SLC44A5: variants seen among roughly 807,000 people sequenced by gnomAD.
The protein encoded by SLC44A5 is solute carrier family 44 member 5, also known as choline transporter-like protein 5.
In SLC44A5, 57 loss-of-function variants were observed where a neutral mutation model predicts 101.8. The ratio of observed to expected loss-of-function variants is 0.56; its 90% CI spans 0.45 to 0.70. The LOEUF is 0.70. SLC44A5 is among the 30% of genes least tolerant of loss of function. SLC44A5 has a pLI of 0.00. For missense variants in SLC44A5, 737 were observed against 853.1 expected (o/e 0.86, Z 1.70); for synonymous variants, 281 against 290.9 (o/e 0.97, Z 0.35).
chr1:75,653,904 G>A, the SLC44A5 span, among the ~76,000 whole-genome samples: 1 of 152,134 alleles, frequency 6.6e-6, no homozygotes, highest in Non-Finnish European at 1.5e-5. Flanking sequence ...AAATATTGGT[G>A]AAGATGATTT....
rs143586596 is a variant in SLC44A5, at chr1:75,226,786, A to T, written c.985+940T>A. On this transcript the variant is annotated intron_variant, in intron 13 of 23. Coordinates refer to ENST00000370859, the MANE Select transcript of SLC44A5 (RefSeq NM_001130058.2). ...TTGAAAATCTTGATTAAAGAACACAAATCTTACAAGGAGTATTACAATAAC... is the reference window on the plus strand; with the variant it reads ...TTGAAAATCTTGATTAAAGAACACATATCTTACAAGGAGTATTACAATAAC... 9.9e-5 allele frequency among the ~76,000 whole-genome samples: 15 copies of T among 152,278 alleles called. No homozygotes were observed. The East Asian group carries it at 2.7e-3, about 28-fold the overall frequency.
At chr1:75,453,727 A>G (rs1023011266) in intron 2 of SLC44A5, among the ~76,000 whole-genome samples, 1 of 152,112 alleles carries the variant, frequency 6.6e-6, no homozygotes, top group African/African-American at 2.4e-5. Context: ...ATTACAGCCA[A>G]TCCCATAGAA....
intron 2 of SLC44A5, among the ~76,000 whole-genome samples, chr1:75,398,025 T>G (rs539951149): frequency 6.6e-6 from 1 of 152,298 alleles, no homozygotes; most frequent in Admixed American, 6.5e-5. Flanking sequence ...CATCCCTTGC[T>G]GATTTTCTTA....
chr1:75,588,167 C>T (rs955776866), intron 1 of SLC44A5, among the ~76,000 whole-genome samples: 9 of 147,392 alleles, frequency 6.1e-5, no homozygotes, highest in South Asian at 2.1e-4. Flanking sequence ...GCAGCACTCT[C>T]GTATCCAAAA....
chr1:75,571,598 C>T (rs577263546), intron 1 of SLC44A5, among the ~76,000 whole-genome samples: 1 of 151,934 alleles, frequency 6.6e-6, no homozygotes, highest in African/African-American at 2.4e-5. Flanking sequence ...ATAAAATAAG[C>T]TTTGTATTAT....
rs572342881 is a variant in SLC44A5 at position 75,376,095 on chromosome 1, G to C, written c.52+20488C>G. ...GGTGACGGACGCACCTGGAAAATTGGGTCACTCCCACCCAAATACTGCGCT... is the reference window on the plus strand; with the variant it reads ...GGTGACGGACGCACCTGGAAAATTGCGTCACTCCCACCCAAATACTGCGCT... On this transcript the variant is annotated intron_variant, in intron 3 of 23. Coordinates refer to ENST00000370859, the MANE Select transcript of SLC44A5 (RefSeq NM_001130058.2). Among the ~76,000 whole-genome samples, 6 of 152,320 alleles carry C rather than the reference G, an allele frequency of 3.9e-5. No individual in the cohort carries two copies. The East Asian group carries it at 1.2e-3, about 29-fold the overall frequency.
intron 3 of SLC44A5, among the ~76,000 whole-genome samples, chr1:75,350,980 A>G (rs1658611373): frequency 6.6e-6 from 1 of 151,674 alleles, no homozygotes; most frequent in Non-Finnish European, 1.5e-5. Flanking sequence ...ACCGAAAGGA[A>G]TGAGTTGAAG....
At chr1:75,594,263 T>G (rs942944037) in intron 1 of SLC44A5, among the ~76,000 whole-genome samples, 1 of 151,884 alleles carries the variant, frequency 6.6e-6, no homozygotes, top group African/African-American at 2.4e-5. Context: ...TAAGAAAAAC[T>G]GACATCATAA....
At chr1:75,700,207 T>C in the SLC44A5 span, among the ~76,000 whole-genome samples, 1 of 152,162 alleles carries the variant, frequency 6.6e-6, no homozygotes, top group Non-Finnish European at 1.5e-5. Flanking sequence ...ATATACATTC[T>C]TTTCAGCACC....
chr1:75,307,619 C>T (rs1469726046), intron 4 of SLC44A5, among the ~76,000 whole-genome samples: 1 of 152,110 alleles, frequency 6.6e-6, no homozygotes, highest in Non-Finnish European at 1.5e-5. Flanking sequence ...CTACTTCTCA[C>T]GAATAATAGA....
chr1:75,545,897 G>A (rs1206449653), intron 1 of SLC44A5, among the ~76,000 whole-genome samples: 1 of 151,144 alleles, frequency 6.6e-6, no homozygotes, highest in Non-Finnish European at 1.5e-5. Flanking sequence ...CACAAGCATG[G>A]CTCACTGAAA....
the SLC44A5 span, among the ~76,000 whole-genome samples, chr1:75,721,660 A>G: frequency 8.3e-4 from 126 of 152,212 alleles, no homozygotes; most frequent in Non-Finnish European, 1.2e-3. Context: ...GCCTCTGGTA[A>G]CTTGCAACTG....
chr1:75,406,315 T>C (rs987628070), intron 2 of SLC44A5, among the ~76,000 whole-genome samples: 1 of 152,108 alleles, frequency 6.6e-6, no homozygotes, highest in African/African-American at 2.4e-5. Context: ...CCTTCTGAAA[T>C]TCTTCCAAAC....
the SLC44A5 span, among the ~76,000 whole-genome samples, chr1:75,721,847 CA>C: frequency 6.6e-6 from 1 of 152,172 alleles, no homozygotes; most frequent in African/African-American, 2.4e-5. Flanking sequence ...AGTTAAAGCC[CA>C]ACTTCAATGG....
chr1:75,307,243 G>A (rs964522875), intron 4 of SLC44A5, among the ~76,000 whole-genome samples: 1 of 152,052 alleles, frequency 6.6e-6, no homozygotes, highest in Non-Finnish European at 1.5e-5. Context: ...AAAATTGTTG[G>A]TGTCACCTGG....
chr1:75,655,818 GA>G, the SLC44A5 span, among the ~76,000 whole-genome samples: 6,271 of 152,034 alleles, frequency 0.041, 181 homozygotes, highest in Non-Finnish European at 0.064. Flanking sequence ...AAGAGAGGTA[GA>G]AAAAAATATA....
intron 2 of SLC44A5, among the ~76,000 whole-genome samples, chr1:75,452,212 C>T (rs1665945831): frequency 6.6e-6 from 1 of 152,080 alleles, no homozygotes. Flanking sequence ...TCAGCAGAAA[C>T]CTTACAAGCC....
At chr1:75,474,380 T>C (rs1443857561) in intron 2 of SLC44A5, among the ~76,000 whole-genome samples, 1 of 152,188 alleles carries the variant, frequency 6.6e-6, no homozygotes, top group East Asian at 1.9e-4. Context: ...TAATTATCTC[T>C]ATATATACTT....
chr1:75,710,688 A>G, the SLC44A5 span: 1 of 152,104 alleles, frequency 6.6e-6, no homozygotes, highest in Non-Finnish European at 1.5e-5. Context: ...CTTGATTAGC[A>G]TAGCTCCCTA....
Sources: gnomAD v4.1 joint callset for allele counts (sites outside exome capture counted in the v4.1 genomes callset) on GRCh38, gnomAD v4.1.1 for gene constraint, MANE v1.5 for transcripts, NCBI Gene and HGNC (gene_info 2026-07-23, HGNC 2026-07-21) for gene names.